MYO3B: variants seen among roughly 807,000 people sequenced by gnomAD.
MYO3B encodes myosin IIIB.
A neutral mutation model predicts 174.6 loss-of-function variants in MYO3B; 156 were observed. The ratio of observed to expected loss-of-function variants is 0.89; its 90% CI spans 0.78 to 1.02. MYO3B has a LOEUF of 1.02. MYO3B is among the 50% of genes least tolerant of loss of function. MYO3B has a pLI of 0.00. For synonymous variants in MYO3B, 563 were observed against 569.1 expected (o/e 0.99, Z 0.15); for missense variants, 1,632 against 1,639.4 (o/e 1.00, Z 0.08).
At chr2:170,559,887 G>T (rs1691591281) in intron 32 of MYO3B, among the ~76,000 whole-genome samples, 2 of 152,034 alleles carry the variant, frequency 1.3e-5, no homozygotes, top group Non-Finnish European at 2.9e-5. Flanking sequence ...CCTGTTCTGT[G>T]ATCTGTGTTC....
chr2:170,519,416 G>A (rs1485871683), intron 29 of MYO3B, 22 bp from the exon 30 acceptor site: 2 of 1,603,162 alleles, frequency 1.2e-6, no homozygotes, highest in African/African-American at 1.3e-5. Context: ...CATATGCTTA[G>A]CCCTCCTTTC....
intron 7 of MYO3B, among the ~76,000 whole-genome samples, chr2:170,319,243 A>T (rs2093797937): frequency 1.3e-5 from 2 of 152,214 alleles, no homozygotes; most frequent in African/African-American, 4.8e-5. Context: ...AGCCAAGTAA[A>T]TTGTTTTAGT....
rs367950575 is a variant in MYO3B, at chr2:170,625,604, T to G, written c.3734-26024T>G. On this transcript the variant is annotated intron_variant, in intron 32 of 34. Transcript: ENST00000408978. ...TTCTTGCTTTCTGCTAGCTTTTGAATGTGTTTGCTCTTGCCTCGCTAGTTC... is the reference window on the plus strand; with the variant it reads ...TTCTTGCTTTCTGCTAGCTTTTGAAGGTGTTTGCTCTTGCCTCGCTAGTTC... Among the ~76,000 whole-genome samples the G allele has an allele frequency of 3.3e-5, 5 of 152,348 alleles. No homozygotes were observed. In the South Asian group the frequency reaches 6.2e-4, roughly 19 times the overall value.
chr2:170,270,569 T>C (rs747818121), intron 7 of MYO3B, among the ~76,000 whole-genome samples: 4 of 152,216 alleles, frequency 2.6e-5, no homozygotes, highest in Non-Finnish European at 5.9e-5. Flanking sequence ...TTTGACTTCA[T>C]GTTGTTTAAA....
At chr2:170,624,723 A>G (rs893891757) in intron 32 of MYO3B, among the ~76,000 whole-genome samples, 4 of 152,154 alleles carry the variant, frequency 2.6e-5, no homozygotes, top group African/African-American at 7.2e-5. Flanking sequence ...AGCTCTTATT[A>G]TTTTGATATA....
intron 10 of MYO3B, 117 bp downstream of exon 10, chr2:170,382,229 T>A: frequency 1.3e-6 from 1 of 787,834 alleles, no homozygotes; most frequent in Non-Finnish European, 2.1e-6. Context: ...ATTGTTTGTG[T>A]AGCTATGGGA....
At chr2:170,471,382 A>G (rs1044156777) in intron 25 of MYO3B, among the ~76,000 whole-genome samples, 1 of 152,040 alleles carries the variant, frequency 6.6e-6, no homozygotes, top group Non-Finnish European at 1.5e-5. Flanking sequence ...CCTTTGAAGC[A>G]CAAAATTTTT....
At chr2:170,193,910 T>C (rs1035771175) in intron 1 of MYO3B, among the ~76,000 whole-genome samples, 7 of 152,184 alleles carry the variant, frequency 4.6e-5, no homozygotes, top group Admixed American at 2.0e-4. Context: ...TTCACCCTTA[T>C]TTTTCTGTTT....
chr2:170,531,024 T>C (rs1449731231), intron 30 of MYO3B, among the ~76,000 whole-genome samples: 1 of 152,192 alleles, frequency 6.6e-6, no homozygotes, highest in Non-Finnish European at 1.5e-5. Context: ...TCACTTGTCT[T>C]ATCTTGACCC....
At chr2:170,442,217 T>A (rs917651146) in intron 22 of MYO3B, among the ~76,000 whole-genome samples, 1 of 152,226 alleles carries the variant, frequency 6.6e-6, no homozygotes, top group African/African-American at 2.4e-5. Context: ...CAACAGTAGC[T>A]CTAATATTTT....
intron 1 of MYO3B, among the ~76,000 whole-genome samples, chr2:170,192,799 A>G (rs1320481152): frequency 6.6e-6 from 1 of 151,558 alleles, no homozygotes; most frequent in Non-Finnish European, 1.5e-5. Context: ...TTTGTTTTAT[A>G]TCAAGACCTA....
At chr2:170,340,818 G>T (rs2093972645) in intron 8 of MYO3B, 1 of 152,150 alleles carries the variant, frequency 6.6e-6, no homozygotes, top group Non-Finnish European at 1.5e-5. Flanking sequence ...GGACCTTTCT[G>T]TTTTTGTGGT....
intron 22 of MYO3B, among the ~76,000 whole-genome samples, chr2:170,413,926 G>C (rs1158423753): frequency 6.6e-6 from 1 of 151,904 alleles, no homozygotes. Context: ...TGTAGTCCCA[G>C]CTACTTGGGA....
At chr2:170,556,526 CTT>C (rs113099769) in intron 32 of MYO3B, among the ~76,000 whole-genome samples, 3 of 147,622 alleles carry the variant, frequency 2.0e-5, no homozygotes, top group African/African-American at 2.5e-5. Context: ...TGGATTTTTA[CTT>C]TTTTTTTTTT....
At chr2:170,552,801 G>C (rs572771957) in intron 32 of MYO3B, among the ~76,000 whole-genome samples, 27 of 152,264 alleles carry the variant, frequency 1.8e-4, no homozygotes, top group African/African-American at 6.0e-4. Flanking sequence ...CCCATCAAAG[G>C]CCTGCAGGCT....
intron 25 of MYO3B, among the ~76,000 whole-genome samples, chr2:170,494,963 A>G (rs1025781331): frequency 1.3e-5 from 2 of 152,124 alleles, no homozygotes; most frequent in African/African-American, 4.8e-5. Flanking sequence ...AGTTAGGTAC[A>G]GAGAGGTGAG....
intron 7 of MYO3B, among the ~76,000 whole-genome samples, chr2:170,326,676 C>T (rs930708775): frequency 7.2e-5 from 11 of 152,096 alleles, no homozygotes; most frequent in South Asian, 2.1e-4. Flanking sequence ...CCTGTGTTTG[C>T]GTAAGGAGAG....
intron 7 of MYO3B, among the ~76,000 whole-genome samples, chr2:170,318,906 A>G (rs1042944945): frequency 6.6e-6 from 1 of 152,206 alleles, no homozygotes; most frequent in African/African-American, 2.4e-5. Flanking sequence ...TAGCAAAACA[A>G]TAGGGAAACC....
chr2:170,434,536 T>C (rs1411680238), intron 22 of MYO3B, among the ~76,000 whole-genome samples: 1 of 152,054 alleles, frequency 6.6e-6, no homozygotes, highest in Non-Finnish European at 1.5e-5. Flanking sequence ...CTAATTCTGA[T>C]TGGCTAATGT....
Sources: gnomAD v4.1 joint callset for allele counts (sites outside exome capture counted in the v4.1 genomes callset) on GRCh38, gnomAD v4.1.1 for gene constraint, MANE v1.5 for transcripts, NCBI Gene and HGNC (gene_info 2026-07-23, HGNC 2026-07-21) for gene names.